The following AFF3 variants were observed in gnomAD, a reference collection of about 807,000 sequenced individuals.
AFF3 encodes the protein ALF transcription elongation factor 3.
Under a neutral mutation model 129.7 loss-of-function variants are expected in AFF3, and 32 were observed. That is an observed-to-expected ratio of 0.25 (90% confidence interval 0.19 to 0.33). AFF3 has a LOEUF of 0.33. Among genes scored for constraint, AFF3 ranks in the 10% least tolerant of loss-of-function variants. The probability of loss-of-function intolerance (pLI) is 1.00; values close to 1 mark genes in which losing one functional copy is unlikely to be tolerated. For missense variants in AFF3, 1,373 were observed against 1,592.0 expected (o/e 0.86, Z 2.34); for synonymous variants, 644 against 635.4 (o/e 1.01, Z -0.20).
At chr2:99,967,376 C>T (rs753174391) in intron 7 of AFF3, among the ~76,000 whole-genome samples, 3 of 152,078 alleles carry the variant, frequency 2.0e-5, no homozygotes, top group Non-Finnish European at 4.4e-5. Context: ...TCTAGGCTTC[C>T]AATGCCTGCC....
chr2:100,079,206 A>C (rs984597870), intron 4 of AFF3, among the ~76,000 whole-genome samples: 2 of 152,116 alleles, frequency 1.3e-5, no homozygotes, highest in East Asian at 3.9e-4. Context: ...TCAGCCTCCC[A>C]AAGTGCTGGG....
chr2:99,960,685 T>C (rs966015217), intron 7 of AFF3, among the ~76,000 whole-genome samples: 1 of 152,188 alleles, frequency 6.6e-6, no homozygotes, highest in African/African-American at 2.4e-5. Context: ...GTCCTATCCT[T>C]TGTGCTTGCT....
chr2:99,769,310 T>TGCA (rs1156236825), intron 8 of AFF3, among the ~76,000 whole-genome samples: 2 of 152,238 alleles, frequency 1.3e-5, no homozygotes, highest in African/African-American at 4.8e-5. Flanking sequence ...GTATGTCAGC[T>TGCA]GCATTTTTCA....
At chr2:99,809,371 C>T (rs1041887756) in intron 8 of AFF3, among the ~76,000 whole-genome samples, 8 of 152,234 alleles carry the variant, frequency 5.3e-5, no homozygotes, top group African/African-American at 1.4e-4. Context: ...CTACTGCAGC[C>T]TGCACCTCTG....
At chr2:99,553,405 A>G (rs1021556752) in intron 24 of AFF3, among the ~76,000 whole-genome samples, 11 of 152,118 alleles carry the variant, frequency 7.2e-5, no homozygotes, top group Non-Finnish European at 1.3e-4. Context: ...TGGAGCTATC[A>G]TGCTCCCATG....
At chr2:100,141,451 C>T (rs533564558) in intron 1 of AFF3, among the ~76,000 whole-genome samples, 3 of 152,194 alleles carry the variant, frequency 2.0e-5, no homozygotes, top group Non-Finnish European at 2.9e-5. Flanking sequence ...GTAGTTAGAA[C>T]ATTCTTAAAT....
rs375750952 is a variant in AFF3, at chr2:99,578,382, G to A, written c.2863C>T (p.Pro955Ser). 103 of 1,611,022 alleles carry A rather than the reference G, an allele frequency of 6.4e-5. No individual in the cohort carries two copies. Among genetic ancestry groups the A allele is most frequent in the Non-Finnish European group, 8.6e-5 (101 of 1,179,010 alleles). ...CAGTCCCTGTGGCCGTTGGAGCCTG[G>A]AGACCACGGCTTCGTCTGCGGCCGT... ...KSRPQTKPWS[P>S]GSNGHRDCKR... is the part of the protein sequence containing the mutation. The change falls in exon 18 of 25, where the codon CCA (proline) becomes TCA (serine). Residue 955 changes from proline (P) to serine (S), a missense_variant. Around this residue, in one of 9 missense-constraint regions of AFF3, gnomAD observed 466 missense variants for 505.0 expected, o/e 0.92. Transcript: ENST00000672756.
chr2:99,996,527 A>ATTT lies in AFF3; in HGVS notation c.873+10102_873+10104dup, dbSNP rs756231548. Among the ~76,000 whole-genome samples, 82 of 114,064 alleles carry ATTT rather than the reference A, an allele frequency of 7.2e-4. 2 individuals are homozygous for ATTT. Among genetic ancestry groups the ATTT allele is most frequent in the African/African-American group, 2.5e-3 (64 of 25,502 alleles). The allele number at this position is 114,064 out of a possible 152,430, so 74.8% of individuals were successfully genotyped here. On this transcript the variant is annotated intron_variant, in intron 7 of 24. Transcript: ENST00000672756. ...AGGCACCTGCCACCACGCCCGGCTA[A>ATTT]TTTTTTTTTTTTTTTTTTTTTTTTT...
At chr2:100,038,668 T>C (rs35774174) in intron 4 of AFF3, among the ~76,000 whole-genome samples, 1 of 151,782 alleles carries the variant, frequency 6.6e-6, no homozygotes, top group Non-Finnish European at 1.5e-5. Flanking sequence ...ATTTAAATAA[T>C]TTAATTTGTA....
At chr2:100,130,536 C>T (rs939169932) in intron 1 of AFF3, among the ~76,000 whole-genome samples, 20 of 152,236 alleles carry the variant, frequency 1.3e-4, no homozygotes, top group Non-Finnish European at 2.2e-4. Context: ...CGGGCTCAGC[C>T]GTGTGCCCAC....
chr2:99,910,132 T>TA (rs1695013088), intron 7 of AFF3, among the ~76,000 whole-genome samples: 1 of 152,214 alleles, frequency 6.6e-6, no homozygotes, highest in African/African-American at 2.4e-5. Context: ...ATTACTACAA[T>TA]GCTATCCCCT....
intron 22 of AFF3, among the ~76,000 whole-genome samples, chr2:99,556,995 T>C (rs1356517450): frequency 6.6e-6 from 1 of 152,128 alleles, no homozygotes; most frequent in Non-Finnish European, 1.5e-5. Flanking sequence ...TTGTATGGGA[T>C]GGTGACTACA....
At chr2:100,078,883 G>A (rs1301262327) in intron 4 of AFF3, among the ~76,000 whole-genome samples, 1 of 150,956 alleles carries the variant, frequency 6.6e-6, no homozygotes, top group Non-Finnish European at 1.5e-5. Flanking sequence ...GTAAATAGCT[G>A]TTATACTATA....
At chr2:99,557,981 A>C (rs1359690177) in intron 22 of AFF3, among the ~76,000 whole-genome samples, 2 of 152,254 alleles carry the variant, frequency 1.3e-5, no homozygotes, top group African/African-American at 4.8e-5. Context: ...GGTCGACCTC[A>C]CAACAGTACA....
In AFF3 at chr2:100,108,107, C is replaced by G. The variant is rs1260254600; in HGVS notation, c.-144-2524G>C. Reference sequence around the variant, plus strand: ...CCTAAGGACACTACTCTCTCCTGTTCCAGCAAAGCTGCAGACGCATGACTC... The same window carrying G: ...CCTAAGGACACTACTCTCTCCTGTTGCAGCAAAGCTGCAGACGCATGACTC... On this transcript the variant is annotated intron_variant, in intron 2 of 24. Coordinates refer to ENST00000672756, the MANE Select transcript of AFF3 (RefSeq NM_001386135.1). Among the ~76,000 whole-genome samples the G allele has an allele frequency of 2.4e-5, 3 of 125,390 alleles. No individual in the cohort carries two copies. The East Asian group carries it at 8.8e-4, about 37-fold the overall frequency. 82.3% of individuals were successfully genotyped at this position (125,390 alleles called of 152,430 possible). A position where few individuals can be genotyped will look rare whatever the true frequency, so the allele number is the denominator to read the frequency against.
chr2:100,039,152 C>T (rs1434140736), intron 4 of AFF3, among the ~76,000 whole-genome samples: 1 of 152,220 alleles, frequency 6.6e-6, no homozygotes, highest in African/African-American at 2.4e-5. Flanking sequence ...TTCACTATAT[C>T]TCTTTCATCC....
chr2:99,955,504 A>C (rs562837581), intron 7 of AFF3, among the ~76,000 whole-genome samples: 1 of 148,380 alleles, frequency 6.7e-6, no homozygotes, highest in Admixed American at 6.6e-5. Context: ...TGTTATATAC[A>C]AAAAAAAGAT....
At chr2:100,055,570 G>T (rs919411111) in intron 4 of AFF3, among the ~76,000 whole-genome samples, 3 of 152,144 alleles carry the variant, frequency 2.0e-5, no homozygotes, top group Non-Finnish European at 4.4e-5. Flanking sequence ...TTGGGCATTA[G>T]TAAGAATGCT....
At chr2:99,707,738 A>G (rs1347310009) in intron 11 of AFF3, 15 of 799,318 alleles carry the variant, frequency 1.9e-5, no homozygotes, top group Non-Finnish European at 2.1e-5. Context: ...TCTTCAGGCT[A>G]AAGAGTCTGT....
Sources: gnomAD v4.1 joint callset for allele counts (sites outside exome capture counted in the v4.1 genomes callset) on GRCh38, gnomAD v4.1.1 for gene constraint, gnomAD v4.1.1 regional missense constraint, MANE v1.5 for transcripts, NCBI Gene and HGNC (gene_info 2026-07-23, HGNC 2026-07-21) for gene names.